The following DAPK3 variants were observed in gnomAD, a reference collection of about 807,000 sequenced individuals.
DAPK3 encodes the protein death associated protein kinase 3, also known as death-associated protein kinase 3.
In DAPK3, 24 loss-of-function variants were observed where a neutral mutation model predicts 30.6. The observed-to-expected ratio is 0.78, with a 90% CI of 0.57 to 1.10. The LOEUF is 1.10. Ranked by LOEUF, DAPK3 falls within the 50% of genes least tolerant of loss-of-function variation. The pLI is 0.00. For missense variants in DAPK3, 629 were observed against 657.3 expected (o/e 0.96, Z 0.47); for synonymous variants, 341 against 284.0 (o/e 1.20, Z -2.02).
At chr19:3,963,598 G>A in intron 6 of DAPK3, 45 bp downstream of exon 6, 2 of 1,324,802 alleles carry the variant, frequency 1.5e-6, no homozygotes, top group Non-Finnish European at 2.1e-6. Context: ...GGGGACCCAT[G>A]CCAGCTGTGT....
At chr19:3,963,950 T>C (rs765526882) in intron 4 of DAPK3, 31 bp from the exon 5 acceptor site, 1 of 1,473,676 alleles carries the variant, frequency 6.8e-7, no homozygotes, top group Non-Finnish European at 9.5e-7. Context: ...GGTCAGGCAC[T>C]GGGGACATGC....
Position 3,964,936 on chromosome 19 carries a change from C to T in DAPK3, c.118G>A (p.Ala40Thr). 2 of 1,611,986 alleles carry T rather than the reference C, an allele frequency of 1.2e-6. No individual in the cohort carries two copies. The highest frequency in any genetic ancestry group is 2.2e-5 in the East Asian group (1 of 44,836). Residue 40 changes from alanine to threonine, a missense_variant, in exon 3 of 9, where the codon GCA becomes ACA. By Grantham distance (58) the Ala-to-Thr change is moderately conservative (BLOSUM62 0). Around this residue, in one of 2 missense-constraint regions of DAPK3, gnomAD observed 306 missense variants for 378.5 expected, o/e 0.81. Coordinates refer to ENST00000545797, the MANE Select transcript of DAPK3 (RefSeq NM_001348.3). The stretch of plus-strand genomic sequence containing the variant: ...CGGCGCTTCTTGATGAACTTGGCTG[C>T]GTACTCCTTGCCCGTGCCCTTCTGC... ...CRQKGTGKEYAAKFIKKRRLS... is the reference protein window; with the variant it reads ...CRQKGTGKEYTAKFIKKRRLS...
At position 3,959,653 on chromosome 19, in the gene DAPK3, G is replaced by A. The variant is rs1663924304; in HGVS notation, c.829-16C>T. On this transcript the variant is annotated splice_polypyrimidine_tract_variant and intron_variant, in intron 8 of 8. Coordinates refer to ENST00000545797, the MANE Select transcript of DAPK3 (RefSeq NM_001348.3). ...GCCGGATCGCCTAGGAAGGAGGGAAGCCTGAGCGGGGTCCCCGCGATGCCA... is the reference window on the plus strand; with the variant it reads ...GCCGGATCGCCTAGGAAGGAGGGAAACCTGAGCGGGGTCCCCGCGATGCCA... 2 of 1,558,060 alleles carry A rather than the reference G, an allele frequency of 1.3e-6. No individual in the cohort carries two copies. The highest frequency in any genetic ancestry group is 1.3e-5 in the African/African-American group (1 of 74,336).
chr19:3,962,016 A>G (rs1240832726), intron 6 of DAPK3, among the ~76,000 whole-genome samples: 2 of 152,076 alleles, frequency 1.3e-5, no homozygotes. Flanking sequence ...CCGCTGCCAC[A>G]CCCAGCTAAT....
In DAPK3 at chr19:3,965,654, C is replaced by T. The variant is rs1227303716; in HGVS notation, c.63-663G>A. ...AAGTGCAAGGCAAGTGCCAGATCCG[C>T]TTTTTTTGTTTTTGTTTTGTTTTGT... On this transcript the variant is annotated intron_variant, in intron 2 of 8. Coordinates refer to ENST00000545797, the MANE Select transcript of DAPK3 (RefSeq NM_001348.3). Among the ~76,000 whole-genome samples, 9 of 27,638 alleles carry T rather than the reference C, an allele frequency of 3.3e-4. No individual in the cohort carries two copies. The Admixed American group carries it at 3.8e-3, about 12-fold the overall frequency. 18.1% of individuals were successfully genotyped at this position (27,638 alleles called of 152,430 possible). A position where few individuals can be genotyped will look rare whatever the true frequency, so the allele number is the denominator to read the frequency against.
chr19:3,961,659 C>A (rs1260096620), intron 6 of DAPK3: 1 of 379,970 alleles, frequency 2.6e-6, no homozygotes, highest in African/African-American at 2.1e-5. Flanking sequence ...TGACAGCGCA[C>A]GAGACTAAAC....
At chr19:3,968,682 G>A (rs1319441390) in intron 2 of DAPK3, among the ~76,000 whole-genome samples, 5 of 152,274 alleles carry the variant, frequency 3.3e-5, no homozygotes, top group African/African-American at 9.6e-5. Flanking sequence ...GAAGGGGGAG[G>A]AGGGAGCATG....
Position 3,964,748 on chromosome 19 carries a change from A to G in DAPK3, c.306T>C (p.Phe102=), listed in dbSNP as rs772269605. The part of the protein sequence containing the change: ...ILELVSGGEL[F]DFLAEKESLT... The stretch of plus-strand genomic sequence containing the variant: ...GCGACTCCTTCTCCGCCAGGAAGTC[A>G]AAGAGCTCCCCGCCAGAGACCAGCT... The change falls in exon 3 of 9, where the codon TTT becomes TTC. Residue 102 remains phenylalanine (F), a synonymous_variant. Coordinates refer to ENST00000545797, the MANE Select transcript of DAPK3 (RefSeq NM_001348.3). The G allele has an allele frequency of 6.2e-7, 1 of 1,612,618 alleles. No individual in the cohort carries two copies. The highest frequency in any genetic ancestry group is 1.3e-5 in the African/African-American group (1 of 74,680).
chr19:3,964,126 G>T, intron 4 of DAPK3, 118 bp downstream of exon 4: 2 of 976,856 alleles, frequency 2.0e-6, no homozygotes, highest in East Asian at 2.6e-5. Context: ...GGCCCAAGAG[G>T]GGTGGCTTCA....
intron 2 of DAPK3, among the ~76,000 whole-genome samples, chr19:3,966,425 C>A (rs1041100954): frequency 6.6e-6 from 1 of 152,170 alleles, no homozygotes; most frequent in South Asian, 2.1e-4. Flanking sequence ...CCAAAGAGAC[C>A]GGTCCAGTCC....
At chr19:3,960,778 C>T (rs1385242592) in intron 7 of DAPK3, among the ~76,000 whole-genome samples, 3 of 122,400 alleles carry the variant, frequency 2.5e-5, no homozygotes, top group East Asian at 2.6e-4. Flanking sequence ...AGCAAGACTC[C>T]GTCTCAAAAA....
At chr19:3,970,177 G>A (rs909330323) in intron 1 of DAPK3, among the ~76,000 whole-genome samples, 4 of 152,282 alleles carry the variant, frequency 2.6e-5, no homozygotes, top group Non-Finnish European at 4.4e-5. Context: ...CACCATTCCT[G>A]CACGTTCTCC....
At chr19:3,960,155 T>A (rs1231053049) in intron 7 of DAPK3, 51 bp from the exon 8 acceptor site, 1 of 1,045,624 alleles carries the variant, frequency 9.6e-7, no homozygotes, top group Middle Eastern at 2.1e-4. Context: ...TGTCCCGTCC[T>A]CCCGTGAACA....
rs1325635332 is a variant in DAPK3 at position 3,958,732 on chromosome 19, C to T, written c.*369G>A. 7 of 424,504 alleles carry T rather than the reference C, an allele frequency of 1.6e-5. No homozygotes were observed. The East Asian group carries it at 3.1e-4, about 19-fold the overall frequency. 26.3% of individuals were successfully genotyped at this position (424,504 alleles called of 1,614,324 possible). ...ACAGGCAGCACCCCGCCGAATTGTCCGTGCAACTACCCGCAAACCCTCCTC... is the reference window on the plus strand; with the variant it reads ...ACAGGCAGCACCCCGCCGAATTGTCTGTGCAACTACCCGCAAACCCTCCTC... On this transcript the variant is annotated 3_prime_UTR_variant, in exon 9 of 9. Transcript: ENST00000545797.
rs2039483968 is a variant in DAPK3, at chr19:3,959,786, G to A, written c.829-149C>T. 1.9e-5 allele frequency: 18 copies of A among 943,314 alleles called. No homozygotes were observed. In the South Asian group the frequency reaches 2.9e-4, roughly 15 times the overall value. The allele number at this position is 943,314 out of a possible 1,614,324, so 58.4% of individuals were successfully genotyped here. ...AGACTGCCCAGCCCGACGCAAAGCC[G>A]AGAGTGCTCTCTCGAGAAAAACGCT... On this transcript the variant is annotated intron_variant, in intron 8 of 8. Coordinates refer to ENST00000545797, the MANE Select transcript of DAPK3 (RefSeq NM_001348.3).
At chr19:3,967,052 G>T (rs1455627904) in intron 2 of DAPK3, among the ~76,000 whole-genome samples, 1 of 152,194 alleles carries the variant, frequency 6.6e-6, no homozygotes, top group African/African-American at 2.4e-5. Flanking sequence ...GGTCTCAGGT[G>T]TCACTCCCAA....
intron 2 of DAPK3, among the ~76,000 whole-genome samples, chr19:3,967,612 G>A (rs1442535470): frequency 6.6e-6 from 1 of 152,128 alleles, no homozygotes; most frequent in Non-Finnish European, 1.5e-5. Context: ...AAAATTAGCT[G>A]AGCACGTTGG....
At chr19:3,964,546 C>T in intron 3 of DAPK3, 85 bp downstream of exon 3, 3 of 1,450,128 alleles carry the variant, frequency 2.1e-6, no homozygotes, top group East Asian at 2.5e-5. Flanking sequence ...CCCCCACGCG[C>T]AGGAGGTGCC....
intron 2 of DAPK3, among the ~76,000 whole-genome samples, chr19:3,969,417 G>A (rs568861821): frequency 3.3e-5 from 5 of 152,250 alleles, no homozygotes; most frequent in Non-Finnish European, 7.4e-5. Context: ...GGTGCCCCAT[G>A]CCAGGCACGG....
Sources: gnomAD v4.1 joint callset for allele counts (sites outside exome capture counted in the v4.1 genomes callset) on GRCh38, gnomAD v4.1.1 for gene constraint, gnomAD v4.1.1 regional missense constraint, MANE v1.5 for transcripts, NCBI Gene and HGNC (gene_info 2026-07-23, HGNC 2026-07-21) for gene names.